Variants in COL23A1 observed in about 807,000 individuals in gnomAD.
The protein encoded by COL23A1 is collagen type XXIII alpha 1 chain, also known as collagen alpha-1(XXIII) chain.
COL23A1 carries 97 observed loss-of-function variants against 99.3 expected under a neutral mutation model. That is an observed-to-expected ratio of 0.98 (90% CI 0.83 to 1.16). The LOEUF is 1.16. COL23A1 is among the 50% of genes most tolerant of loss of function. The pLI is 0.00. For synonymous variants in COL23A1, 320 were observed against 308.2 expected (o/e 1.04, Z -0.40); for missense variants, 762 against 757.4 (o/e 1.01, Z -0.07).
chr5:178,470,739 C>T (rs1308512709), intron 2 of COL23A1, among the ~76,000 whole-genome samples: 1 of 152,128 alleles, frequency 6.6e-6, no homozygotes, highest in African/African-American at 2.4e-5. Context: ...TCAAGGCTCC[C>T]ACAGAATACA....
In COL23A1 at chr5:178,255,880, G is replaced by A. The variant is rs1261216519; in HGVS notation, c.882+473C>T. On this transcript the variant is annotated intron_variant, in intron 15 of 28. Coordinates refer to ENST00000390654, the MANE Select transcript of COL23A1 (RefSeq NM_173465.4). The surrounding 1 kb of genome is among the most constrained non-coding windows in gnomAD (Gnocchi z 4.2). The stretch of plus-strand genomic sequence containing the variant: ...GAGACAGAGCCGAGGCCAGGATCCC[G>A]GACGTCACCCTAAAGGTAAGGTATG... 5.1e-6 allele frequency: 2 copies of A among 388,776 alleles called. No homozygotes were observed. Among genetic ancestry groups the A allele is most frequent in the African/African-American group, 2.1e-5 (1 of 47,138 alleles). 24.1% of individuals were successfully genotyped at this position (388,776 alleles called of 1,614,324 possible).
At chr5:178,423,598 C>T (rs1469059099) in intron 2 of COL23A1, among the ~76,000 whole-genome samples, 1 of 152,150 alleles carries the variant, frequency 6.6e-6, no homozygotes, top group African/African-American at 2.4e-5. Context: ...GATGTGACCT[C>T]ACTGTAAGTC....
At chr5:178,533,851 T>A (rs760797719) in intron 2 of COL23A1, among the ~76,000 whole-genome samples, 5 of 152,192 alleles carry the variant, frequency 3.3e-5, no homozygotes, top group Admixed American at 6.5e-5. Flanking sequence ...ATATAATATA[T>A]AAAAATATTT....
At chr5:178,574,588 T>C (rs1184205450) in intron 1 of COL23A1, among the ~76,000 whole-genome samples, 2 of 152,132 alleles carry the variant, frequency 1.3e-5, no homozygotes, top group African/African-American at 4.8e-5. Flanking sequence ...CGCTTAATGC[T>C]CCTTGCAGGG....
chr5:178,554,192 T>C (rs1762151391), intron 2 of COL23A1, among the ~76,000 whole-genome samples: 1 of 151,940 alleles, frequency 6.6e-6, no homozygotes, highest in Non-Finnish European at 1.5e-5. Context: ...TTTTTTTTTT[T>C]CTTTGAGATG....
Position 178,590,072 on chromosome 5 carries a change from C to A in COL23A1, c.126G>T (p.Leu42=). 7.5e-7 allele frequency: 1 copy of A among 1,327,996 alleles called. No homozygotes were observed. The highest frequency in any genetic ancestry group is 1.9e-5 in the South Asian group (1 of 53,772). 82.3% of individuals were successfully genotyped at this position (1,327,996 alleles called of 1,614,324 possible). Residue 42 remains leucine, a synonymous_variant, in exon 1 of 29, where the codon CTG becomes CTT. Transcript: ENST00000390654. This position sits in a 1 kb window ranked among gnomAD's most constrained non-coding sequence, Gnocchi z 5.7. ...AGGCAGCCGCCGAGCCCACGGAGAG[C>A]AGCAGGCACAGCGCGCTCACCGCCC... is the stretch of plus-strand genomic sequence containing the variant. ...GSRAVSALCL[L]LSVGSAAACL... is the part of the protein sequence containing the mutation.
chr5:178,394,392 G>A (rs960520798), intron 2 of COL23A1, among the ~76,000 whole-genome samples: 1 of 152,162 alleles, frequency 6.6e-6, no homozygotes, highest in African/African-American at 2.4e-5. Context: ...AGGGCCTGCA[G>A]CCCCACCCCA....
At chr5:178,375,730 C>A (rs551994670) in intron 2 of COL23A1, among the ~76,000 whole-genome samples, 1 of 152,088 alleles carries the variant, frequency 6.6e-6, no homozygotes, top group Non-Finnish European at 1.5e-5. Context: ...TTTTTTGAGA[C>A]GGAGTCTGCC....
chr5:178,397,290 G>T (rs1417904956), intron 2 of COL23A1, among the ~76,000 whole-genome samples: 1 of 152,240 alleles, frequency 6.6e-6, no homozygotes, highest in Non-Finnish European at 1.5e-5. Context: ...AAAACGGCAG[G>T]GATGCTGCGT....
chr5:178,482,074 A>C (rs1342277303), intron 2 of COL23A1, among the ~76,000 whole-genome samples: 1 of 152,116 alleles, frequency 6.6e-6, no homozygotes, highest in Admixed American at 6.5e-5. Context: ...TAGTTTCTCA[A>C]AAAGTCAGAC....
At chr5:178,329,798 G>A (rs566064540) in intron 2 of COL23A1, among the ~76,000 whole-genome samples, 53 of 152,262 alleles carry the variant, frequency 3.5e-4, no homozygotes, top group South Asian at 1.9e-3. Context: ...TTAGCCAGGC[G>A]TGCTGGTAGG....
intron 2 of COL23A1, among the ~76,000 whole-genome samples, chr5:178,557,870 T>TC (rs1762362774): frequency 1.3e-5 from 2 of 151,790 alleles, no homozygotes; most frequent in Admixed American, 6.6e-5. Context: ...AAGGTTCTGG[T>TC]CTAAGGGGCT....
chr5:178,507,947 T>A (rs1400959984), intron 2 of COL23A1, among the ~76,000 whole-genome samples: 5 of 152,240 alleles, frequency 3.3e-5, no homozygotes, highest in Non-Finnish European at 7.3e-5. Context: ...AGCATTCTGA[T>A]GACACAAATG....
At position 178,284,382 on chromosome 5, in the gene COL23A1, T is replaced by TA. The variant is rs545290684; in HGVS notation, c.441+3941_441+3942insT. On this transcript the variant is annotated intron_variant, in intron 5 of 28. Transcript: ENST00000390654. ...TACATATATGTATATATTTTAAAACTTATATTGGCATAGCTTTAAAAGTGT... is the reference window on the plus strand; with the variant it reads ...TACATATATGTATATATTTTAAAACTATATATTGGCATAGCTTTAAAAGTGT... 5.4e-4 allele frequency among the ~76,000 whole-genome samples: 82 copies of TA among 152,360 alleles called. 1 individual carries two copies. The highest frequency in any genetic ancestry group is 1.9e-3 in the African/African-American group (79 of 41,584).
intron 2 of COL23A1, among the ~76,000 whole-genome samples, chr5:178,322,861 G>A (rs967174775): frequency 6.6e-6 from 1 of 152,206 alleles, no homozygotes. Context: ...CGCAGCATGG[G>A]AAGGCAGGCT....
At chr5:178,410,033 A>C (rs924383136) in intron 2 of COL23A1, among the ~76,000 whole-genome samples, 3 of 152,188 alleles carry the variant, frequency 2.0e-5, no homozygotes, top group Non-Finnish European at 4.4e-5. Flanking sequence ...AAAACAAAAA[A>C]CAAAAACCAT....
At chr5:178,268,144 G>A (rs1165293285) in intron 7 of COL23A1, among the ~76,000 whole-genome samples, 1 of 152,210 alleles carries the variant, frequency 6.6e-6, no homozygotes, top group Non-Finnish European at 1.5e-5. Flanking sequence ...TCTGGGTCGG[G>A]GGTGGACATG....
chr5:178,532,091 G>A (rs151116093), intron 2 of COL23A1, among the ~76,000 whole-genome samples: 22 of 152,338 alleles, frequency 1.4e-4, no homozygotes, highest in Non-Finnish European at 2.5e-4. Context: ...CGTGGGCAGA[G>A]CTCACTCGGA....
intron 2 of COL23A1, among the ~76,000 whole-genome samples, chr5:178,326,594 T>A (rs918834201): frequency 2.0e-5 from 3 of 152,166 alleles, no homozygotes; most frequent in African/African-American, 7.2e-5. Context: ...TCTCTTTATT[T>A]ATTCACCTGT....
Sources: allele counts gnomAD v4.1 joint callset (sites outside exome capture counted in the v4.1 genomes callset), GRCh38; gene constraint gnomAD v4.1.1; non-coding constraint Gnocchi (gnomAD v3.1); transcripts MANE v1.5; gene names NCBI Gene and HGNC (gene_info 2026-07-23, HGNC 2026-07-21).